Variants in ANKRD6 observed in about 807,000 individuals in gnomAD.
ANKRD6 encodes the protein ankyrin repeat domain 6.
ANKRD6 carries 56 observed loss-of-function variants against 82.3 expected under a neutral mutation model. The observed-to-expected ratio is 0.68, with a 90% CI of 0.55 to 0.85. The LOEUF is 0.85. Among genes scored for constraint, ANKRD6 ranks in the 40% least tolerant of loss-of-function variants. ANKRD6 has a pLI of 0.00. For synonymous variants in ANKRD6, 347 were observed against 352.1 expected (o/e 0.99, Z 0.16); for missense variants, 852 against 907.6 (o/e 0.94, Z 0.79).
chr6:89,633,799 T>C lies in ANKRD6; in HGVS notation c.*2795T>C, dbSNP rs1807858032. On this transcript the variant is annotated 3_prime_UTR_variant, in exon 16 of 16. Transcript: ENST00000339746. ...TTCCAAGCATTAAAGATACTATGGATCTTAAATTCCTTATTAAAAAAATGC... is the reference window on the plus strand; with the variant it reads ...TTCCAAGCATTAAAGATACTATGGACCTTAAATTCCTTATTAAAAAAATGC... 1 of 152,244 alleles carries C rather than the reference T, an allele frequency of 6.6e-6. No individual in the cohort carries two copies. Among genetic ancestry groups the C allele is most frequent in the Non-Finnish European group, 1.5e-5 (1 of 68,048 alleles). The allele number at this position is 152,244 out of a possible 1,614,324, so 9.4% of individuals were successfully genotyped here.
chr6:89,469,420 A>G (rs1261652081), intron 1 of ANKRD6, among the ~76,000 whole-genome samples: 1 of 152,212 alleles, frequency 6.6e-6, no homozygotes, highest in East Asian at 1.9e-4. Context: ...GAGGACTGTT[A>G]GGAGTGGGTC....
At chr6:89,467,305 G>T (rs1465872978) in intron 1 of ANKRD6, among the ~76,000 whole-genome samples, 2 of 152,114 alleles carry the variant, frequency 1.3e-5, no homozygotes, top group Non-Finnish European at 2.9e-5. Flanking sequence ...AGTATATGGG[G>T]TATATTATTT....
At chr6:89,496,110 C>G (rs917522091) in intron 1 of ANKRD6, among the ~76,000 whole-genome samples, 3 of 151,982 alleles carry the variant, frequency 2.0e-5, no homozygotes, top group Non-Finnish European at 2.9e-5. Context: ...ATGAAGACTC[C>G]GGAGTTGTGC....
chr6:89,534,306 T>C (rs1783562513), intron 1 of ANKRD6, among the ~76,000 whole-genome samples: 1 of 152,244 alleles, frequency 6.6e-6, no homozygotes, highest in African/African-American at 2.4e-5. Flanking sequence ...AATTAATTTA[T>C]GATCCTATTA....
At chr6:89,584,686 A>T (rs1480460698) in intron 2 of ANKRD6, among the ~76,000 whole-genome samples, 1 of 152,264 alleles carries the variant, frequency 6.6e-6, no homozygotes, top group African/African-American at 2.4e-5. Context: ...ATTTATTCCA[A>T]GTATGCAAGA....
intron 1 of ANKRD6, among the ~76,000 whole-genome samples, chr6:89,553,306 A>G (rs921796297): frequency 2.0e-5 from 3 of 152,148 alleles, no homozygotes; most frequent in Non-Finnish European, 4.4e-5. Flanking sequence ...AGAAGCAAGT[A>G]TGTGTCACTG....
chr6:89,553,593 A>G (rs1786157496), intron 1 of ANKRD6, among the ~76,000 whole-genome samples: 1 of 152,158 alleles, frequency 6.6e-6, no homozygotes, highest in African/African-American at 2.4e-5. Flanking sequence ...GGTTTTTTCA[A>G]GCTTATGGTG....
intron 1 of ANKRD6, among the ~76,000 whole-genome samples, chr6:89,540,725 C>T (rs528123849): frequency 1.3e-5 from 2 of 152,242 alleles, no homozygotes; most frequent in African/African-American, 4.8e-5. Flanking sequence ...CAGAGATTTT[C>T]CCCAGTGTTT....
At chr6:89,625,221 TGTA>T (rs1186278728) in intron 13 of ANKRD6, among the ~76,000 whole-genome samples, 1 of 151,802 alleles carries the variant, frequency 6.6e-6, no homozygotes, top group African/African-American at 2.4e-5. Flanking sequence ...AGGTGGAGGT[TGTA>T]GTGAGCAGAG....
chr6:89,629,193 G>A lies in ANKRD6; in HGVS notation c.1567G>A (p.Ala523Thr). Residue 523 changes from alanine to threonine, a missense_variant, in exon 15 of 16, where the codon GCC (alanine) becomes ACC (threonine). Coordinates refer to ENST00000339746, the MANE Select transcript of ANKRD6 (RefSeq NM_001242809.2). ...LEQKLSGDSR[A>T]CRAKSTPSTC... ...GCAGAAGCTTTCTGGAGATTCTAGG[G>A]CCTGCAGAGCTAAATCCACACCATC... 6.2e-7 allele frequency: 1 copy of A among 1,613,796 alleles called. No homozygotes were observed. Among genetic ancestry groups the A allele is most frequent in the Non-Finnish European group, 8.5e-7 (1 of 1,179,836 alleles).
intron 1 of ANKRD6, among the ~76,000 whole-genome samples, chr6:89,477,497 C>T (rs1331592188): frequency 6.6e-6 from 1 of 151,470 alleles, no homozygotes; most frequent in Non-Finnish European, 1.5e-5. Flanking sequence ...TTTGGCTGGG[C>T]ACGGTGGCTC....
chr6:89,519,616 G>A (rs915822891), intron 1 of ANKRD6, among the ~76,000 whole-genome samples: 8 of 152,204 alleles, frequency 5.3e-5, no homozygotes, highest in African/African-American at 1.9e-4. Context: ...TAGGCAGTTG[G>A]CTATTTGAAT....
At chr6:89,552,427 G>C (rs1055014287) in intron 1 of ANKRD6, among the ~76,000 whole-genome samples, 5 of 152,190 alleles carry the variant, frequency 3.3e-5, no homozygotes, top group African/African-American at 1.2e-4. Context: ...AGAGACACTT[G>C]ATCCCAGCAA....
At chr6:89,589,309 G>C (rs1198578445) in intron 2 of ANKRD6, among the ~76,000 whole-genome samples, 1 of 152,174 alleles carries the variant, frequency 6.6e-6, no homozygotes, top group Non-Finnish European at 1.5e-5. Flanking sequence ...GCTTGTTTCT[G>C]TAGGTTGTAG....
intron 1 of ANKRD6, among the ~76,000 whole-genome samples, chr6:89,451,341 C>G (rs1772791434): frequency 6.6e-6 from 1 of 152,070 alleles, no homozygotes; most frequent in Non-Finnish European, 1.5e-5. Context: ...CAAAGTACAT[C>G]CTCTTTTCAG....
intron 1 of ANKRD6, among the ~76,000 whole-genome samples, chr6:89,506,754 T>C (rs1024314612): frequency 5.9e-5 from 9 of 152,226 alleles, no homozygotes; most frequent in African/African-American, 2.2e-4. Context: ...TCCTCCCTAA[T>C]TTTGCACAGG....
chr6:89,477,227 A>C (rs1444172153), intron 1 of ANKRD6, among the ~76,000 whole-genome samples: 1 of 151,882 alleles, frequency 6.6e-6, no homozygotes, highest in Non-Finnish European at 1.5e-5. Context: ...TACAGGCGTG[A>C]GCCACCGTGC....
chr6:89,631,186 C>A lies in ANKRD6; in HGVS notation c.*182C>A. 8.9e-7 allele frequency: 1 copy of A among 1,119,112 alleles called. No individual in the cohort carries two copies. The highest frequency in any genetic ancestry group is 1.2e-6 in the Non-Finnish European group (1 of 850,600). The allele number at this position is 1,119,112 out of a possible 1,614,324, so 69.3% of individuals were successfully genotyped here. A position where few individuals can be genotyped will look rare whatever the true frequency, so the allele number is the denominator to read the frequency against. ...GCCCAGGAAGTTATGAAGACTTCAACAATTAAACTGAAACCAGGGGAAGCT... is the reference window on the plus strand; with the variant it reads ...GCCCAGGAAGTTATGAAGACTTCAAAAATTAAACTGAAACCAGGGGAAGCT... On this transcript the variant is annotated 3_prime_UTR_variant, in exon 16 of 16. Transcript: ENST00000339746.
chr6:89,468,807 T>C (rs1434146954), intron 1 of ANKRD6, among the ~76,000 whole-genome samples: 1 of 152,202 alleles, frequency 6.6e-6, no homozygotes. Flanking sequence ...CTAAGGCATA[T>C]CATTTTGTAA....
Sources: gnomAD v4.1 joint callset for allele counts (sites outside exome capture counted in the v4.1 genomes callset) on GRCh38, gnomAD v4.1.1 for gene constraint, MANE v1.5 for transcripts, NCBI Gene and HGNC (gene_info 2026-07-23, HGNC 2026-07-21) for gene names.